MINDY1: variants seen among roughly 807,000 people sequenced by gnomAD.
The protein encoded by MINDY1 is MINDY lysine 48 deubiquitinase 1, also known as ubiquitin carboxyl-terminal hydrolase MINDY-1.
A neutral mutation model predicts 53.6 loss-of-function variants in MINDY1; 50 were observed. That is an observed-to-expected ratio of 0.93 (90% CI 0.74 to 1.18). MINDY1 has a LOEUF of 1.18. Ranked by LOEUF, MINDY1 falls within the 50% of genes most tolerant of loss-of-function variation. The probability of loss-of-function intolerance (pLI) is 0.00; values close to 1 mark genes in which losing one functional copy is unlikely to be tolerated. For synonymous variants in MINDY1, 231 were observed against 234.7 expected, an observed-to-expected ratio of 0.98 and a Z score of 0.14; for missense variants, 484 against 578.6, an observed-to-expected ratio of 0.84 and a Z score of 1.68.
rs374869298 is a variant in MINDY1 at position 150,999,414 on chromosome 1, G to A, written c.936C>T (p.Ser312=). 1.7e-5 allele frequency: 28 copies of A among 1,613,976 alleles called. No homozygotes were observed. The East Asian group carries it at 2.7e-4, about 15-fold the overall frequency. ...TAAAGTGGTTGTTTCGGAAAAAGAC[G>A]CTAAGTTCACCCTCCTTAGCAGCTG... is the stretch of plus-strand genomic sequence containing the variant. ...LTAAAKEGEL[S]VFFRNNHFST... is the part of the protein sequence containing the mutation. Residue 312 remains serine, a synonymous_variant, in exon 7 of 10, where the codon AGC becomes AGT. Transcript: ENST00000683666. This position sits in a 1 kb window ranked among gnomAD's most constrained non-coding sequence, Gnocchi z 4.4.
At chr1:151,005,351 C>T (rs1673064011) in intron 1 of MINDY1, among the ~76,000 whole-genome samples, 1 of 151,512 alleles carries the variant, frequency 6.6e-6, no homozygotes, top group Non-Finnish European at 1.5e-5. Context: ...ACTCAGGAGG[C>T]TGAGGCAGGA....
At chr1:151,006,172 T>C (rs1275333884) in intron 1 of MINDY1, 140 bp downstream of exon 1, 2 of 1,551,540 alleles carry the variant, frequency 1.3e-6, no homozygotes, top group Admixed American at 2.0e-5. Flanking sequence ...TACATGTCTC[T>C]CCTGACTTAG....
Position 151,002,762 on chromosome 1 carries a change from T to C in MINDY1, c.-89-56A>G. On this transcript the variant is annotated intron_variant, in intron 1 of 9. Transcript: ENST00000683666. The surrounding 1 kb of genome is among the most constrained non-coding windows in gnomAD (Gnocchi z 4.1). ...GAAAGCAAACTAACCCAGAAAAGTC[T>C]TGGAAAAGGAATGTAGTGTAGAAGG... 6.7e-7 allele frequency: 1 copy of C among 1,501,416 alleles called. No individual in the cohort carries two copies. Among genetic ancestry groups the C allele is most frequent in the Non-Finnish European group, 8.9e-7 (1 of 1,123,200 alleles). 93.0% of individuals were successfully genotyped at this position (1,501,416 alleles called of 1,614,324 possible).
chr1:150,997,149 G>A lies in MINDY1; in HGVS notation c.*138C>T. Reference sequence around the variant, plus strand: ...CAAGGACATTACCAAGTCTGACCTTGGCATTTGTTGCCTGCTCTCATCCCC... The same window carrying A: ...CAAGGACATTACCAAGTCTGACCTTAGCATTTGTTGCCTGCTCTCATCCCC... On this transcript the variant is annotated 3_prime_UTR_variant, in exon 10 of 10. Coordinates refer to ENST00000683666, the MANE Select transcript of MINDY1 (RefSeq NM_001376665.1). 1.2e-6 allele frequency: 1 copy of A among 849,058 alleles called. No homozygotes were observed. Among genetic ancestry groups the A allele is most frequent in the South Asian group, 1.7e-5 (1 of 59,876 alleles). The allele number at this position is 849,058 out of a possible 1,614,324, so 52.6% of individuals were successfully genotyped here.
chr1:151,005,339 C>T (rs1413585962), intron 1 of MINDY1, among the ~76,000 whole-genome samples: 2 of 151,944 alleles, frequency 1.3e-5, no homozygotes, highest in African/African-American at 2.4e-5. Flanking sequence ...GTAATCCCAG[C>T]TACTCAGGAG....
Position 151,006,677 on chromosome 1 carries a change from C to CT in MINDY1, c.-456dup. The CT allele has an allele frequency of 1.0e-6, 1 of 986,070 alleles. No homozygotes were observed. The highest frequency in any genetic ancestry group is 1.2e-6 in the Non-Finnish European group (1 of 830,360). The allele number at this position is 986,070 out of a possible 1,614,324, so 61.1% of individuals were successfully genotyped here. ...AAGTTTGTGGTTTTTCTTTTCTTCT[C>CT]TCTCTCTTTTTTGTTCTCATCAGGA... On this transcript the variant is annotated 5_prime_UTR_variant, in exon 1 of 10. It introduces an in-frame stop codon into an upstream open reading frame of the 5' UTR. Coordinates refer to ENST00000683666, the MANE Select transcript of MINDY1 (RefSeq NM_001376665.1).
rs587776151 is a variant in MINDY1 at position 151,000,166 on chromosome 1, G to T, written c.736-202C>A. 3.3e-5 allele frequency among the ~76,000 whole-genome samples: 5 copies of T among 151,750 alleles called. No homozygotes were observed. The South Asian group carries it at 1.0e-3, about 32-fold the overall frequency. ...TTGCTATGTTGCCCAGACTGGCCTC[G>T]AACTCCTCCCAAGTAGCTGGGAATA... is the stretch of plus-strand genomic sequence containing the variant. On this transcript the variant is annotated intron_variant, in intron 5 of 9. Coordinates refer to ENST00000683666, the MANE Select transcript of MINDY1 (RefSeq NM_001376665.1).
chr1:150,996,704 A>C (rs932072374), downstream of MINDY1: 2 of 151,550 alleles, frequency 1.3e-5, no homozygotes, highest in Non-Finnish European at 2.9e-5. Flanking sequence ...CATGACGCCC[A>C]GCTAATTTCT....
chr1:150,998,385 C>T (rs1672102028), intron 7 of MINDY1, 112 bp from the exon 8 acceptor site: 7 of 976,834 alleles, frequency 7.2e-6, no homozygotes, highest in Admixed American at 6.9e-5. Flanking sequence ...GATGGAGTCT[C>T]GCTCTGTCAT....
rs1221654307 is a variant in MINDY1, at chr1:150,998,253, G to A, written c.1002C>T (p.Val334=). The A allele has an allele frequency of 6.2e-7, 1 of 1,613,708 alleles. No homozygotes were observed. The highest frequency in any genetic ancestry group is 1.3e-5 in the African/African-American group (1 of 74,926). The change falls in exon 8 of 10, where the codon GTC becomes GTT. Residue 334 remains valine, a synonymous_variant. Transcript: ENST00000683666. The part of the protein sequence containing the change: ...TKHKSHLYLL[V]TDQGFLQEEQ... The stretch of plus-strand genomic sequence containing the variant: ...CCTCCTGTAGAAAGCCCTGGTCAGT[G>A]ACCAGTAGGTATAAGTGACTCTACA...
chr1:151,003,088 G>T, intron 1 of MINDY1: 1 of 540,924 alleles, frequency 1.8e-6, no homozygotes, highest in Non-Finnish European at 2.5e-6. Context: ...TTATTAATAT[G>T]ATGATCTTTA....
chr1:151,001,146 G>C (rs886915050), intron 4 of MINDY1, 104 bp downstream of exon 4: 1 of 1,185,782 alleles, frequency 8.4e-7, no homozygotes. Context: ...ATGAAATCAT[G>C]GTTCAAGGAA....
In MINDY1 at chr1:151,002,441, A is replaced by G; in HGVS notation, c.177T>C (p.Pro59=). ...ACTCAAGGTTGTCCCCACACTGGCT[A>G]GGCAGCAAAGCTTGGTCTGCTGGCT... ...EREPADQALL[P]SQCGDNLESP... is the part of the protein sequence containing the mutation. The change falls in exon 2 of 10, where the codon CCT becomes CCC. Residue 59 remains proline, a synonymous_variant. Coordinates refer to ENST00000683666, the MANE Select transcript of MINDY1 (RefSeq NM_001376665.1). This position sits in a 1 kb window ranked among gnomAD's most constrained non-coding sequence, Gnocchi z 4.1. 1 of 1,614,200 alleles carries G rather than the reference A, an allele frequency of 6.2e-7. No homozygotes were observed. The highest frequency in any genetic ancestry group is 8.5e-7 in the Non-Finnish European group (1 of 1,180,028).
intron 9 of MINDY1, 23 bp from the exon 10 acceptor site, chr1:150,997,390 T>C: frequency 6.3e-7 from 1 of 1,585,302 alleles, no homozygotes; most frequent in Non-Finnish European, 8.6e-7. Flanking sequence ...TAACAATTGG[T>C]CACTGAACTT....
At chr1:151,008,380 TC>T, upstream of MINDY1, 1 of 1,220,000 alleles carries the variant, frequency 8.2e-7, no homozygotes, top group Non-Finnish European at 1.1e-6. Context: ...CGGAAAGACG[TC>T]CCAGGAGCCT....
At chr1:151,007,988 G>A (rs1349977698), upstream of MINDY1, among the ~76,000 whole-genome samples, 2 of 152,230 alleles carry the variant, frequency 1.3e-5, no homozygotes, top group Non-Finnish European at 2.9e-5. Flanking sequence ...AGCAGCAGGA[G>A]TTGGCAGGAG....
rs587658095 is a variant in MINDY1, at chr1:150,998,432, G to A, written c.982-159C>T. 7.9e-5 allele frequency among the ~76,000 whole-genome samples: 12 copies of A among 152,254 alleles called. No homozygotes were observed. The East Asian group carries it at 1.5e-3, about 20-fold the overall frequency. ...TGCAGTGGCACAATCTCTGCTCACC[G>A]CAAGCTCTGCCTCCCAGGTTCACAC... On this transcript the variant is annotated intron_variant, in intron 7 of 9. Transcript: ENST00000683666.
intron 1 of MINDY1, 138 bp downstream of exon 1, chr1:151,006,174 C>A (rs924896570): frequency 6.4e-7 from 1 of 1,551,492 alleles, no homozygotes; most frequent in Non-Finnish European, 8.7e-7. Context: ...CATGTCTCTC[C>A]TGACTTAGCT....
intron 7 of MINDY1, 148 bp from the exon 8 acceptor site, chr1:150,998,421 C>G: frequency 2.8e-6 from 2 of 715,060 alleles, no homozygotes; most frequent in Non-Finnish European, 4.6e-6. Context: ...GTGGCACAAT[C>G]TCTGCTCACC....
Sources: allele counts gnomAD v4.1 joint callset (sites outside exome capture counted in the v4.1 genomes callset), GRCh38; gene constraint gnomAD v4.1.1; non-coding constraint Gnocchi (gnomAD v3.1); transcripts MANE v1.5; gene names NCBI Gene and HGNC (gene_info 2026-07-23, HGNC 2026-07-21).